ERC2: variants seen among roughly 807,000 people sequenced by gnomAD.
The protein encoded by ERC2 is ERC protein 2.
A neutral mutation model predicts 114.8 loss-of-function variants in ERC2; 42 were observed. The observed-to-expected ratio is 0.37, with a 90% confidence interval of 0.29 to 0.47. The LOEUF is 0.47. Among genes scored for constraint, ERC2 ranks in the 20% least tolerant of loss-of-function variants. The probability of loss-of-function intolerance (pLI) is 0.99; values close to 1 mark genes in which losing one functional copy is unlikely to be tolerated. For missense variants in ERC2, 939 were observed against 1,150.7 expected (o/e 0.82, Z 2.66); for synonymous variants, 454 against 425.5 (o/e 1.07, Z -0.82).
chr3:56,410,036 C>T (rs1266819330), intron 2 of ERC2, among the ~76,000 whole-genome samples: 1 of 152,214 alleles, frequency 6.6e-6, no homozygotes, highest in Non-Finnish European at 1.5e-5. Flanking sequence ...TTCCTATTTT[C>T]TTAAAATGAA....
intron 17 of ERC2, among the ~76,000 whole-genome samples, chr3:55,582,910 G>C (rs2057330940): frequency 6.6e-6 from 1 of 152,216 alleles, no homozygotes; most frequent in African/African-American, 2.4e-5. Context: ...CCCTGAGTCT[G>C]AATAATGACA....
In ERC2 at chr3:55,866,751, A is replaced by G. The variant is rs755221586; in HGVS notation, c.2564+21638T>C. ...AATAATGTCTTCCTTAATGGCAACA[A>G]TATTTGAGTATGCTTTCTCTTGAGT... On this transcript the variant is annotated intron_variant, in intron 14 of 17. Coordinates refer to ENST00000288221, the MANE Select transcript of ERC2 (RefSeq NM_015576.3). 8.1e-4 allele frequency among the ~76,000 whole-genome samples: 123 copies of G among 152,264 alleles called. 1 individual carries two copies. The highest frequency in any genetic ancestry group is 3.4e-3 in the Middle Eastern group (1 of 294).
chr3:55,511,342 G>A (rs1286422367), intron 17 of ERC2, 66 bp from the exon 18 acceptor site: 3 of 152,482 alleles, frequency 2.0e-5, no homozygotes, highest in Non-Finnish European at 2.9e-5. Context: ...GATAATCCTG[G>A]CAGAACGTTT....
intron 13 of ERC2, among the ~76,000 whole-genome samples, chr3:55,940,085 C>T (rs1248205847): frequency 6.6e-6 from 1 of 152,130 alleles, no homozygotes; most frequent in African/African-American, 2.4e-5. Flanking sequence ...GACTGACTTC[C>T]CTAGATTCCC....
chr3:56,428,372 T>C (rs943423616), intron 2 of ERC2, among the ~76,000 whole-genome samples: 1 of 151,588 alleles, frequency 6.6e-6, no homozygotes, highest in African/African-American at 2.4e-5. Context: ...AATACAAAAA[T>C]CAGCCGCGCG....
intron 3 of ERC2, among the ~76,000 whole-genome samples, chr3:56,286,367 T>C (rs2054706659): frequency 7.0e-6 from 1 of 143,710 alleles, no homozygotes; most frequent in African/African-American, 2.6e-5. Context: ...TGAGCCAAGA[T>C]TGTGCCATTG....
chr3:56,464,145 C>A (rs1253734380), intron 1 of ERC2, among the ~76,000 whole-genome samples: 1 of 152,192 alleles, frequency 6.6e-6, no homozygotes, highest in Non-Finnish European at 1.5e-5. Flanking sequence ...ATCCTCTAAC[C>A]ATAATTTTTA....
intron 3 of ERC2, among the ~76,000 whole-genome samples, chr3:56,269,240 C>A (rs2150288759): frequency 6.6e-6 from 1 of 152,330 alleles, no homozygotes. Flanking sequence ...AGTTACTATT[C>A]TGAGGAATTA....
intron 17 of ERC2, among the ~76,000 whole-genome samples, chr3:55,587,350 C>G (rs1405797967): frequency 6.6e-6 from 1 of 152,146 alleles, no homozygotes; most frequent in Non-Finnish European, 1.5e-5. Flanking sequence ...CTGCACCCAG[C>G]CTGCTTCTTT....
intron 4 of ERC2, among the ~76,000 whole-genome samples, chr3:56,170,628 A>C: frequency 1.7e-5 from 2 of 118,782 alleles, no homozygotes; most frequent in African/African-American, 3.4e-5. Flanking sequence ...GTAGTGTCTC[A>C]CTATGTCACC....
At chr3:55,689,413 G>A (rs1004785004) in intron 16 of ERC2, among the ~76,000 whole-genome samples, 5 of 152,120 alleles carry the variant, frequency 3.3e-5, no homozygotes, top group African/African-American at 9.7e-5. Flanking sequence ...GAGAATGGTC[G>A]AAGCCTCTAT....
chr3:56,241,152 T>C (rs549359371), intron 3 of ERC2, among the ~76,000 whole-genome samples: 17 of 151,866 alleles, frequency 1.1e-4, no homozygotes, highest in African/African-American at 3.6e-4. Flanking sequence ...GTGAAAGACA[T>C]GAAAAGGACT....
chr3:56,280,446 G>A (rs968547297), intron 3 of ERC2, among the ~76,000 whole-genome samples: 2 of 152,226 alleles, frequency 1.3e-5, no homozygotes, highest in Non-Finnish European at 2.9e-5. Context: ...GGTTCCCAGT[G>A]TCTGGCTTGG....
At chr3:55,800,816 C>T (rs1184108946) in intron 14 of ERC2, among the ~76,000 whole-genome samples, 1 of 152,162 alleles carries the variant, frequency 6.6e-6, no homozygotes, top group African/African-American at 2.4e-5. Flanking sequence ...GAGCTAATAG[C>T]AGGAGATAGA....
At chr3:56,427,674 G>A (rs545320021) in intron 2 of ERC2, among the ~76,000 whole-genome samples, 28 of 152,206 alleles carry the variant, frequency 1.8e-4, no homozygotes, top group Middle Eastern at 3.4e-3. Flanking sequence ...ACCCACAGAG[G>A]GCAGATTATG....
chr3:55,928,765 C>A (rs761051178), intron 13 of ERC2, among the ~76,000 whole-genome samples: 1 of 152,140 alleles, frequency 6.6e-6, no homozygotes, highest in South Asian at 2.1e-4. Context: ...GTCTTTTCTA[C>A]ATTTTGATTT....
chr3:56,007,423 T>G, intron 9 of ERC2, 102 bp from the exon 10 acceptor site: 5 of 1,061,386 alleles, frequency 4.7e-6, no homozygotes, highest in Non-Finnish European at 6.7e-6. Context: ...AAGTGTGCAG[T>G]AGACAGAAAG....
intron 14 of ERC2, among the ~76,000 whole-genome samples, chr3:55,845,243 G>A (rs111472440): frequency 6.6e-6 from 1 of 152,136 alleles, no homozygotes; most frequent in Non-Finnish European, 1.5e-5. Context: ...GGTGGCTCAC[G>A]CCTGTAATCC....
At chr3:56,259,068 G>C (rs1379075155) in intron 3 of ERC2, among the ~76,000 whole-genome samples, 1 of 151,040 alleles carries the variant, frequency 6.6e-6, no homozygotes, top group Non-Finnish European at 1.5e-5. Context: ...CCACCTACCA[G>C]GTTCAAGTGA....
Sources: gnomAD v4.1 joint callset for allele counts (sites outside exome capture counted in the v4.1 genomes callset) on GRCh38, gnomAD v4.1.1 for gene constraint, MANE v1.5 for transcripts, NCBI Gene and HGNC (gene_info 2026-07-23, HGNC 2026-07-21) for gene names.